Variants in PAPOLG observed in about 807,000 individuals in gnomAD.
PAPOLG encodes PAP-gamma.
Under a neutral mutation model 99.0 loss-of-function variants are expected in PAPOLG, and 40 were observed. The ratio of observed to expected loss-of-function variants is 0.40; its 90% CI spans 0.31 to 0.53. The LOEUF is 0.53. PAPOLG is among the 20% of genes least tolerant of loss of function. The probability of loss-of-function intolerance (pLI) is 0.41; values close to 1 mark genes in which losing one functional copy is unlikely to be tolerated. For synonymous variants in PAPOLG, 310 were observed against 299.3 expected (o/e 1.04, Z -0.37); for missense variants, 675 against 884.1 (o/e 0.76, Z 3.00).
chr2:60,782,255 A>T (rs112469430), intron 11 of PAPOLG, among the ~76,000 whole-genome samples: 1 of 152,058 alleles, frequency 6.6e-6, no homozygotes, highest in Non-Finnish European at 1.5e-5. Flanking sequence ...CATTATATAT[A>T]TTTATATTTT....
chr2:60,791,830 A>C lies in PAPOLG; in HGVS notation c.1466A>C (p.Lys489Thr), dbSNP rs375810757. 5 of 1,613,828 alleles carry C rather than the reference A, an allele frequency of 3.1e-6. No individual in the cohort carries two copies. The Admixed American group carries it at 8.3e-5, about 27-fold the overall frequency. Reference sequence around the variant, plus strand: ...AAAATTGAAGCAACTCATGTAAAGAAAAAACAACTTCACCACTACCTTCCT... The same window carrying C: ...AAAATTGAAGCAACTCATGTAAAGACAAAACAACTTCACCACTACCTTCCT... ...GMKIEATHVK[K>T]KQLHHYLPAE... The change falls in exon 16 of 22, where the codon AAA (lysine) becomes ACA (threonine). Residue 489 changes from lysine (K) to threonine (T), a missense_variant. By Grantham distance (78) the Lys-to-Thr change is moderately conservative (BLOSUM62 -1). Around this residue, in one of 3 missense-constraint regions of PAPOLG, gnomAD observed 413 missense variants for 460.5 expected, o/e 0.90. Coordinates refer to ENST00000238714, the MANE Select transcript of PAPOLG (RefSeq NM_022894.4).
intron 21 of PAPOLG, among the ~76,000 whole-genome samples, chr2:60,796,241 G>A (rs1416815361): frequency 8.3e-6 from 1 of 120,872 alleles, no homozygotes; most frequent in Non-Finnish European, 1.6e-5. Flanking sequence ...TTTTGGACAT[G>A]GAGGCTCGCT....
rs1484298289 is a variant in PAPOLG at position 60,786,198 on chromosome 2, G to A, written c.1167-749G>A. Among the ~76,000 whole-genome samples the A allele has an allele frequency of 3.3e-5, 5 of 152,080 alleles. No homozygotes were observed. The East Asian group carries it at 9.7e-4, about 29-fold the overall frequency. Reference sequence around the variant, plus strand: ...GTGTTTACAATTGCATTTAAAATGGGGTTCCTAATATATTGGGCTGAAATT... The same window carrying A: ...GTGTTTACAATTGCATTTAAAATGGAGTTCCTAATATATTGGGCTGAAATT... On this transcript the variant is annotated intron_variant, in intron 13 of 21. Coordinates refer to ENST00000238714, the MANE Select transcript of PAPOLG (RefSeq NM_022894.4).
At chr2:60,772,446 CAAAAAAA>C (rs35297734) in intron 7 of PAPOLG, among the ~76,000 whole-genome samples, 1 of 84,134 alleles carries the variant, frequency 1.2e-5, no homozygotes, top group Non-Finnish European at 2.4e-5. Context: ...GACCCTGTCT[CAAAAAAA>C]AAAAAAAAAA....
At chr2:60,765,235 C>CTTT (rs557009182) in intron 3 of PAPOLG, among the ~76,000 whole-genome samples, 9 of 119,842 alleles carry the variant, frequency 7.5e-5, no homozygotes, top group African/African-American at 9.1e-5. Context: ...TGCCTAGCTA[C>CTTT]TTTTTTTTTT....
At chr2:60,756,934 A>G (rs182035196) in intron 1 of PAPOLG, among the ~76,000 whole-genome samples, 104 of 148,592 alleles carry the variant, frequency 7.0e-4, no homozygotes, top group African/African-American at 2.4e-3. Flanking sequence ...ATCGCAGCCC[A>G]AGGGTTTCTC....
At chr2:60,787,711 A>C in intron 15 of PAPOLG, 91 bp downstream of exon 15, 1 of 1,478,154 alleles carries the variant, frequency 6.8e-7, no homozygotes, top group Non-Finnish European at 9.1e-7. Flanking sequence ...TACTTATTAA[A>C]GTTCCACAAT....
At chr2:60,760,621 A>C (rs1185378950) in intron 2 of PAPOLG, among the ~76,000 whole-genome samples, 2 of 152,190 alleles carry the variant, frequency 1.3e-5, no homozygotes, top group Non-Finnish European at 2.9e-5. Flanking sequence ...CCATGTGTCT[A>C]TCTGAGGGAA....
At chr2:60,788,930 G>C (rs954075094) in intron 15 of PAPOLG, among the ~76,000 whole-genome samples, 1 of 152,132 alleles carries the variant, frequency 6.6e-6, no homozygotes, top group Non-Finnish European at 1.5e-5. Context: ...GAAGGTCAAG[G>C]CTGCAGTGAG....
intron 7 of PAPOLG, among the ~76,000 whole-genome samples, chr2:60,773,503 G>T (rs935445232): frequency 2.0e-5 from 3 of 152,128 alleles, no homozygotes; most frequent in Non-Finnish European, 4.4e-5. Flanking sequence ...TTTCTTAAAG[G>T]TTAGAGTATG....
At chr2:60,769,069 G>A (rs1670769267) in intron 5 of PAPOLG, among the ~76,000 whole-genome samples, 179 bp downstream of exon 5, 1 of 152,134 alleles carries the variant, frequency 6.6e-6, no homozygotes, top group African/African-American at 2.4e-5. Flanking sequence ...GAGTTATACA[G>A]ACTTGGGTTG....
intron 15 of PAPOLG, among the ~76,000 whole-genome samples, chr2:60,790,096 A>T (rs913860952): frequency 2.0e-5 from 3 of 152,206 alleles, no homozygotes; most frequent in African/African-American, 7.2e-5. Flanking sequence ...CTCCATCTCA[A>T]AAAAAGAAAA....
intron 5 of PAPOLG, 167 bp from the exon 6 acceptor site, chr2:60,770,291 C>T (rs536848119): frequency 2.1e-5 from 4 of 191,058 alleles, no homozygotes; most frequent in Non-Finnish European, 3.8e-5. Context: ...AAATACAAAT[C>T]GGGAGTAAAG....
chr2:60,783,019 C>T lies in PAPOLG; in HGVS notation c.1113-137C>T, dbSNP rs993881541. ...AATTAATTTTGTGAAAATCAGAGCACATTTAATTTTCATAAACTGTGTGCC... is the reference window on the plus strand; with the variant it reads ...AATTAATTTTGTGAAAATCAGAGCATATTTAATTTTCATAAACTGTGTGCC... On this transcript the variant is annotated intron_variant, in intron 12 of 21. Coordinates refer to ENST00000238714, the MANE Select transcript of PAPOLG (RefSeq NM_022894.4). The T allele has an allele frequency of 4.4e-6, 4 of 907,452 alleles. No homozygotes were observed. In the African/African-American group the frequency reaches 7.0e-5, roughly 16 times the overall value. The allele number at this position is 907,452 out of a possible 1,614,324, so 56.2% of individuals were successfully genotyped here.
intron 8 of PAPOLG, among the ~76,000 whole-genome samples, chr2:60,778,651 TA>T (rs1265893917): frequency 1.3e-5 from 2 of 152,178 alleles, no homozygotes; most frequent in Non-Finnish European, 2.9e-5. Context: ...AGTTAAAAAA[TA>T]GCAACACATG....
chr2:60,765,038 T>A (rs1670632390), intron 3 of PAPOLG, among the ~76,000 whole-genome samples: 1 of 152,014 alleles, frequency 6.6e-6, no homozygotes, highest in African/African-American at 2.4e-5. Flanking sequence ...ATGAGGTCAT[T>A]TTTCTTTGTG....
chr2:60,797,957 A>G lies in PAPOLG; in HGVS notation c.*797A>G, dbSNP rs1303227928. On this transcript the variant is annotated 3_prime_UTR_variant, in exon 22 of 22. Coordinates refer to ENST00000238714, the MANE Select transcript of PAPOLG (RefSeq NM_022894.4). ...TCAGTATATGAATGGTAAAATTGTTACATATCCTATTTCATGCCATTCTTG... is the reference window on the plus strand; with the variant it reads ...TCAGTATATGAATGGTAAAATTGTTGCATATCCTATTTCATGCCATTCTTG... The G allele has an allele frequency of 6.5e-6, 1 of 152,824 alleles. No homozygotes were observed. The highest frequency in any genetic ancestry group is 1.9e-4 in the East Asian group (1 of 5,338). 9.5% of individuals were successfully genotyped at this position (152,824 alleles called of 1,614,324 possible). A position where few individuals can be genotyped will look rare whatever the true frequency, so the allele number is the denominator to read the frequency against.
intron 11 of PAPOLG, 28 bp from the exon 12 acceptor site, chr2:60,782,650 CTTCTTTTT>C: frequency 8.1e-7 from 1 of 1,236,810 alleles, no homozygotes; most frequent in South Asian, 1.6e-5. Context: ...AATCATTCTT[CTTCTTTTT>C]TTTTTTTTTT....
intron 20 of PAPOLG, 79 bp downstream of exon 20, chr2:60,794,854 G>C: frequency 6.5e-7 from 1 of 1,544,124 alleles, no homozygotes; most frequent in South Asian, 1.1e-5. Flanking sequence ...TTAGAAAGTA[G>C]GTCAGATTAG....
Sources: allele counts gnomAD v4.1 joint callset (sites outside exome capture counted in the v4.1 genomes callset), GRCh38; gene constraint gnomAD v4.1.1; regional missense constraint gnomAD v4.1.1; transcripts MANE v1.5; gene names NCBI Gene and HGNC (gene_info 2026-07-23, HGNC 2026-07-21).